Variants in NBAS observed in about 807,000 individuals in gnomAD.
NBAS encodes the protein NBAS subunit of NRZ tethering complex, also known as NAG/BC035112 fusion.
NBAS carries 219 observed loss-of-function variants against 302.5 expected under a neutral mutation model. That is an observed-to-expected ratio of 0.72 (90% confidence interval 0.65 to 0.81). The LOEUF (loss-of-function observed/expected upper bound fraction) is 0.81. Among genes scored for constraint, NBAS ranks in the 30% least tolerant of loss-of-function variants. The pLI is 0.00. For synonymous variants in NBAS, 1,118 were observed against 1,021.6 expected (o/e 1.09, Z -1.80); for missense variants, 2,932 against 2,841.6 (o/e 1.03, Z -0.72).
At chr2:15,022,874 T>C in the NBAS span, among the ~76,000 whole-genome samples, 2 of 152,310 alleles carry the variant, frequency 1.3e-5, no homozygotes, top group East Asian at 3.9e-4. Flanking sequence ...TTATTATTTG[T>C]ATATAAATAC....
chr2:15,209,654 T>C (rs1666315408), intron 48 of NBAS, among the ~76,000 whole-genome samples: 1 of 152,082 alleles, frequency 6.6e-6, no homozygotes, highest in Non-Finnish European at 1.5e-5. Context: ...TACAAAGACC[T>C]AGAATAGCCA....
chr2:14,924,128 A>G, the NBAS span, among the ~76,000 whole-genome samples: 1 of 152,222 alleles, frequency 6.6e-6, no homozygotes, highest in African/African-American at 2.4e-5. Flanking sequence ...GGAGGGTAGA[A>G]CAATTTGGAA....
intron 12 of NBAS, among the ~76,000 whole-genome samples, chr2:15,480,032 T>G (rs1258790864): frequency 6.6e-6 from 1 of 152,218 alleles, no homozygotes; most frequent in Non-Finnish European, 1.5e-5. Flanking sequence ...AAAGTGTGAT[T>G]TCTTCTATTT....
chr2:15,254,662 T>C (rs1307617942), intron 44 of NBAS, among the ~76,000 whole-genome samples: 1 of 152,206 alleles, frequency 6.6e-6, no homozygotes, highest in Non-Finnish European at 1.5e-5. Context: ...GTGTATACTA[T>C]ATCCAACGTG....
At chr2:14,892,427 C>A in the NBAS span, among the ~76,000 whole-genome samples, 2 of 152,186 alleles carry the variant, frequency 1.3e-5, no homozygotes, top group South Asian at 4.1e-4. Context: ...ATCAAGACCA[C>A]GTAGGACACC....
intron 21 of NBAS, among the ~76,000 whole-genome samples, chr2:15,452,116 G>A (rs1390913176): frequency 6.6e-6 from 1 of 152,144 alleles, no homozygotes. Context: ...GGCTAGGTGG[G>A]AAGATGGGGA....
At chr2:14,971,069 T>C in the NBAS span, among the ~76,000 whole-genome samples, 1 of 152,200 alleles carries the variant, frequency 6.6e-6, no homozygotes, top group East Asian at 1.9e-4. Context: ...AGGTTTAAAT[T>C]TTATTCATTT....
intron 21 of NBAS, among the ~76,000 whole-genome samples, 173 bp downstream of exon 21, chr2:15,461,028 A>T (rs1198931114): frequency 6.6e-6 from 1 of 152,238 alleles, no homozygotes; most frequent in Non-Finnish European, 1.5e-5. Flanking sequence ...TAAGCCTGTT[A>T]CACTGGAAAC....
chr2:15,316,918 C>G (rs1349073437), intron 38 of NBAS, among the ~76,000 whole-genome samples: 1 of 152,210 alleles, frequency 6.6e-6, no homozygotes, highest in African/African-American at 2.4e-5. Flanking sequence ...GACAGACTGC[C>G]TCCTCAAGTG....
At chr2:15,404,673 T>C (rs1035429767) in intron 25 of NBAS, among the ~76,000 whole-genome samples, 2 of 151,898 alleles carry the variant, frequency 1.3e-5, no homozygotes, top group Non-Finnish European at 2.9e-5. Flanking sequence ...CAATCACATC[T>C]GGCTAATTTT....
the NBAS span, among the ~76,000 whole-genome samples, chr2:14,950,837 T>C: frequency 6.6e-6 from 1 of 152,218 alleles, no homozygotes; most frequent in Non-Finnish European, 1.5e-5. Flanking sequence ...TAACCAAACA[T>C]ATTTCTGAAA....
At chr2:15,366,204 T>C (rs186955721) in intron 32 of NBAS, among the ~76,000 whole-genome samples, 221 of 152,356 alleles carry the variant, frequency 1.5e-3, no homozygotes, top group Non-Finnish European at 2.4e-3. Context: ...TGGTTTGTTT[T>C]ATATGTAACT....
At chr2:15,139,697 A>G in the NBAS span, among the ~76,000 whole-genome samples, 1 of 152,196 alleles carries the variant, frequency 6.6e-6, no homozygotes, top group African/African-American at 2.4e-5. Context: ...TAGCAAACTG[A>G]ACAAGGGTCC....
At chr2:15,397,118 T>C (rs1014302974) in intron 26 of NBAS, among the ~76,000 whole-genome samples, 2 of 152,174 alleles carry the variant, frequency 1.3e-5, no homozygotes, top group Admixed American at 6.5e-5. Flanking sequence ...ATGAAAAAGA[T>C]CACAAACTAA....
intron 38 of NBAS, among the ~76,000 whole-genome samples, chr2:15,324,376 A>G (rs1671966954): frequency 6.6e-6 from 1 of 152,170 alleles, no homozygotes; most frequent in Non-Finnish European, 1.5e-5. Context: ...AATAGCCTAC[A>G]AATCCCTGAC....
At chr2:15,141,093 G>T in the NBAS span, among the ~76,000 whole-genome samples, 1 of 152,104 alleles carries the variant, frequency 6.6e-6, no homozygotes, top group African/African-American at 2.4e-5. Flanking sequence ...TCTTTCTTGA[G>T]ATTTTTTAGG....
the NBAS span, among the ~76,000 whole-genome samples, chr2:14,802,974 G>A: frequency 6.7e-6 from 1 of 148,946 alleles, no homozygotes; most frequent in Non-Finnish European, 1.5e-5. Flanking sequence ...CACCAGCATG[G>A]CACATGTATA....
In NBAS at chr2:15,547,215, GCTCCTATTTCAGTTTGTAGA is replaced by G. The variant is rs561229424; in HGVS notation, c.379+4258_379+4277del. 2.0e-4 allele frequency among the ~76,000 whole-genome samples: 30 copies of G among 152,236 alleles called. No homozygotes were observed. In the South Asian group the frequency reaches 6.0e-3, roughly 30 times the overall value. ...AAAAATATCAGAGTAGAACCAAATA[GCTCCTATTTCAGTTTGTAGA>G]CTCTGCAATATGTAGTTTCAAAAAT... On this transcript the variant is annotated intron_variant, in intron 6 of 51. Coordinates refer to ENST00000281513, the MANE Select transcript of NBAS (RefSeq NM_015909.4).
At chr2:14,950,429 T>TA in the NBAS span, among the ~76,000 whole-genome samples, 1 of 152,210 alleles carries the variant, frequency 6.6e-6, no homozygotes, top group Non-Finnish European at 1.5e-5. Context: ...GTTTCTAACA[T>TA]AAAAAACACA....
Sources: allele counts gnomAD v4.1 joint callset (sites outside exome capture counted in the v4.1 genomes callset), GRCh38; gene constraint gnomAD v4.1.1; transcripts MANE v1.5; gene names NCBI Gene and HGNC (gene_info 2026-07-23, HGNC 2026-07-21).